GPR180: variants seen among roughly 807,000 people sequenced by gnomAD.
GPR180 encodes the protein G protein-coupled receptor 180, also known as integral membrane protein GPR180.
Under a neutral mutation model 52.6 loss-of-function variants are expected in GPR180, and 53 were observed. The observed-to-expected ratio is 1.01, with a 90% confidence interval of 0.81 to 1.27. The LOEUF (loss-of-function observed/expected upper bound fraction) is 1.27. GPR180 is among the 50% of genes most tolerant of loss of function. GPR180 has a pLI of 0.00. For missense variants in GPR180, 533 were observed against 527.0 expected (o/e 1.01, Z -0.11); for synonymous variants, 200 against 193.1 (o/e 1.04, Z -0.30).
rs569610951 is a variant in GPR180 at position 94,619,327 on chromosome 13, C to T, written c.683C>T (p.Ser228Phe). 8.1e-5 allele frequency: 131 copies of T among 1,613,656 alleles called. No individual in the cohort carries two copies. The South Asian group carries it at 1.1e-3, about 13-fold the overall frequency. ...GSALANYIHF[S>F]SYSKDGIGVP... is the part of the protein sequence containing the mutation. The stretch of plus-strand genomic sequence containing the variant: ...GCTTTAGCTAATTACATTCATTTCT[C>T]CAGGTAACTCAAAACCACTAAAACT... The change falls in exon 4 of 9, where the codon TCC becomes TTC. Residue 228 changes from serine to phenylalanine, a missense_variant. Transcript: ENST00000376958.
rs952357559 is a variant in GPR180, at chr13:94,626,888, C to G, written c.1165-125C>G. The G allele has an allele frequency of 2.0e-5, 14 of 716,246 alleles. No homozygotes were observed. In the East Asian group the frequency reaches 4.1e-4, roughly 21 times the overall value. The allele number at this position is 716,246 out of a possible 1,614,324, so 44.4% of individuals were successfully genotyped here. ...AGAAAATTTTTTTGATAAAATGTAC[C>G]TATGGTAAAGATGAAAGATAGAGTA... On this transcript the variant is annotated intron_variant, in intron 8 of 8. Coordinates refer to ENST00000376958, the MANE Select transcript of GPR180 (RefSeq NM_180989.6).
At chr13:94,614,671 C>T (rs1485024765) in intron 3 of GPR180, among the ~76,000 whole-genome samples, 1 of 152,100 alleles carries the variant, frequency 6.6e-6, no homozygotes, top group African/African-American at 2.4e-5. Context: ...GTTTTGTCTC[C>T]TTCTGACCTA....
chr13:94,602,085 G>T lies in GPR180; in HGVS notation c.145+13G>T. On this transcript the variant is annotated intron_variant, in intron 1 of 8. Coordinates refer to ENST00000376958, the MANE Select transcript of GPR180 (RefSeq NM_180989.6). ...TTCGAGTTCCATGGTAGGTCTGGGG[G>T]CGGGGAGGGGGATGAAGGCGCGCTG... The T allele has an allele frequency of 3.0e-6, 4 of 1,336,836 alleles. No individual in the cohort carries two copies. The highest frequency in any genetic ancestry group is 3.8e-6 in the Non-Finnish European group (4 of 1,041,166). 82.8% of individuals were successfully genotyped at this position (1,336,836 alleles called of 1,614,324 possible). A position where few individuals can be genotyped will look rare whatever the true frequency, so the allele number is the denominator to read the frequency against.
Position 94,601,960 on chromosome 13 carries a change from C to T in GPR180, c.33C>T (p.Leu11=). MGGLRLLAVA[L]TCCWWPQGSQ... is the part of the protein sequence containing the mutation. Reference sequence around the variant, plus strand: ...GGCTGCGGCTGCTGGCTGTGGCCCTCACGTGCTGCTGGTGGCCGCAGGGCA... The same window carrying T: ...GGCTGCGGCTGCTGGCTGTGGCCCTTACGTGCTGCTGGTGGCCGCAGGGCA... The change falls in exon 1 of 9, where the codon CTC becomes CTT. Residue 11 remains leucine (L), a synonymous_variant. Transcript: ENST00000376958. 6.7e-7 allele frequency: 1 copy of T among 1,499,234 alleles called. No individual in the cohort carries two copies. Among genetic ancestry groups the T allele is most frequent in the East Asian group, 2.8e-5 (1 of 35,550 alleles). 92.9% of individuals were successfully genotyped at this position (1,499,234 alleles called of 1,614,324 possible).
intron 7 of GPR180, among the ~76,000 whole-genome samples, chr13:94,624,226 T>C (rs1279234969): frequency 6.6e-6 from 1 of 152,034 alleles, no homozygotes; most frequent in African/African-American, 2.4e-5. Flanking sequence ...CATTTTTCTG[T>C]CAGATTGAGA....
At chr13:94,623,810 G>A (rs992340820) in intron 7 of GPR180, among the ~76,000 whole-genome samples, 1 of 152,090 alleles carries the variant, frequency 6.6e-6, no homozygotes, top group Non-Finnish European at 1.5e-5. Flanking sequence ...AGACCTGTGA[G>A]ACAGTATTTT....
chr13:94,611,109 G>T (rs1314020461), intron 2 of GPR180, among the ~76,000 whole-genome samples: 1 of 152,090 alleles, frequency 6.6e-6, no homozygotes, highest in Non-Finnish European at 1.5e-5. Flanking sequence ...CACACAACAG[G>T]TAAGTATTGA....
chr13:94,605,583 ATAGT>A (rs1418826010), intron 2 of GPR180, 34 bp downstream of exon 2: 1 of 1,576,830 alleles, frequency 6.3e-7, no homozygotes, highest in Non-Finnish European at 8.7e-7. Flanking sequence ...ATCATTAGAT[ATAGT>A]TTTTTTCCTC....
At chr13:94,620,972 T>G in intron 5 of GPR180, 106 bp from the exon 6 acceptor site, 1 of 1,017,734 alleles carries the variant, frequency 9.8e-7, no homozygotes, top group Non-Finnish European at 1.4e-6. Flanking sequence ...GAAAATGGCT[T>G]TTTGTGGTTT....
chr13:94,608,886 T>C (rs1889667658), intron 2 of GPR180, among the ~76,000 whole-genome samples: 1 of 152,152 alleles, frequency 6.6e-6, no homozygotes, highest in Non-Finnish European at 1.5e-5. Flanking sequence ...TCTCCCAAAT[T>C]AATGTTTGAA....
rs1410849519 is a variant in GPR180 at position 94,623,214 on chromosome 13, G to A, written c.1000G>A (p.Ala334Thr). Reference sequence around the variant, plus strand: ...CCTAATTGTTCTAAGAATTTGCCTAGCATTGTCATTAGGCTGTGGACTCTA... The same window carrying A: ...CCTAATTGTTCTAAGAATTTGCCTAACATTGTCATTAGGCTGTGGACTCTA... ...ILLIVLRICLALSLGCGLYQI... is the reference protein window; with the variant it reads ...ILLIVLRICLTLSLGCGLYQI... The change falls in exon 7 of 9, where the codon GCA (alanine) becomes ACA (threonine). Residue 334 changes from alanine (A) to threonine (T), a missense_variant. Transcript: ENST00000376958. 24 of 1,613,696 alleles carry A rather than the reference G, an allele frequency of 1.5e-5. No individual in the cohort carries two copies. Among genetic ancestry groups the A allele is most frequent in the Non-Finnish European group, 1.9e-5 (22 of 1,179,744 alleles).
At chr13:94,620,613 T>G (rs1041496072) in intron 5 of GPR180, among the ~76,000 whole-genome samples, 5 of 152,210 alleles carry the variant, frequency 3.3e-5, no homozygotes, top group Non-Finnish European at 7.3e-5. Flanking sequence ...GTTAATAGTT[T>G]TAGAAAATAC....
chr13:94,610,116 G>C (rs1428730263), intron 2 of GPR180, among the ~76,000 whole-genome samples: 4 of 152,090 alleles, frequency 2.6e-5, no homozygotes, highest in Non-Finnish European at 5.9e-5. Context: ...TGAACCATGT[G>C]AAAATAAGCA....
intron 2 of GPR180, among the ~76,000 whole-genome samples, chr13:94,607,109 T>C (rs1367923422): frequency 2.0e-5 from 3 of 152,312 alleles, no homozygotes; most frequent in South Asian, 2.1e-4. Context: ...CAGTAAACAG[T>C]TGAGAAACCA....
At position 94,627,131 on chromosome 13, in the gene GPR180, T is replaced by G; in HGVS notation, c.1283T>G (p.Leu428Arg). The change falls in exon 9 of 9, where the codon CTG becomes CGG. Residue 428 changes from leucine (L) to arginine (R), a missense_variant. Coordinates refer to ENST00000376958, the MANE Select transcript of GPR180 (RefSeq NM_180989.6). Reference protein sequence around the residue: ...VSSLSSVTLPLTISSGHKSRP... With the variant: ...VSSLSSVTLPRTISSGHKSRP... ...TCACTTTCTTCAGTAACACTACCAC[T>G]GACCATATCATCTGGACACAAAAGT... 1 of 1,612,822 alleles carries G rather than the reference T, an allele frequency of 6.2e-7. No homozygotes were observed. Among genetic ancestry groups the G allele is most frequent in the South Asian group, 1.1e-5 (1 of 90,900 alleles).
In GPR180 at chr13:94,627,485, CATCTTAAT is replaced by C; in HGVS notation, c.*316_*323del. 1 of 292,722 alleles carries C rather than the reference CATCTTAAT, an allele frequency of 3.4e-6. No individual in the cohort carries two copies. The highest frequency in any genetic ancestry group is 4.6e-5 in the South Asian group (1 of 21,538). The allele number at this position is 292,722 out of a possible 1,614,324, so 18.1% of individuals were successfully genotyped here. A position where few individuals can be genotyped will look rare whatever the true frequency, so the allele number is the denominator to read the frequency against. On this transcript the variant is annotated 3_prime_UTR_variant, in exon 9 of 9. Transcript: ENST00000376958. ...AAAATATTCACCACTTATAATGCCT[CATCTTAAT>C]AGCTAACTCAGGTTTAATAGTCTTA... is the stretch of plus-strand genomic sequence containing the variant.
chr13:94,607,962 C>T (rs527394523), intron 2 of GPR180, among the ~76,000 whole-genome samples: 2 of 152,318 alleles, frequency 1.3e-5, no homozygotes, highest in South Asian at 4.1e-4. Flanking sequence ...TGTTTGGCAT[C>T]TCAAAGACTT....
chr13:94,615,001 T>C (rs1889759321), intron 3 of GPR180, among the ~76,000 whole-genome samples: 1 of 152,248 alleles, frequency 6.6e-6, no homozygotes, highest in Admixed American at 6.5e-5. Flanking sequence ...TACATTGAAG[T>C]ATCAATGAGT....
chr13:94,614,448 C>CT (rs1466084449), intron 3 of GPR180, among the ~76,000 whole-genome samples: 5 of 152,130 alleles, frequency 3.3e-5, no homozygotes, highest in Non-Finnish European at 4.4e-5. Flanking sequence ...CATTTTTGGT[C>CT]TTTTTCTTCA....
Sources: gnomAD v4.1 joint callset for allele counts (sites outside exome capture counted in the v4.1 genomes callset) on GRCh38, gnomAD v4.1.1 for gene constraint, MANE v1.5 for transcripts, NCBI Gene and HGNC (gene_info 2026-07-23, HGNC 2026-07-21) for gene names.